The following ZNF26 variants were observed in gnomAD, a reference collection of about 807,000 sequenced individuals.
ZNF26 encodes epididymis luminal protein 179.
ZNF26 carries 32 observed loss-of-function variants against 54.9 expected under a neutral mutation model. The observed-to-expected ratio is 0.58, with a 90% CI of 0.44 to 0.78. The LOEUF (loss-of-function observed/expected upper bound fraction) is 0.78, where lower values mean the gene tolerates loss of function less well. ZNF26 is among the 30% of genes least tolerant of loss of function. The probability of loss-of-function intolerance (pLI) is 0.00; values close to 1 mark genes in which losing one functional copy is unlikely to be tolerated. For missense variants in ZNF26, 524 were observed against 634.0 expected, an observed-to-expected ratio of 0.83 and a Z score of 1.86; for synonymous variants, 221 against 209.2, an observed-to-expected ratio of 1.06 and a Z score of -0.49.
rs777788645 is a variant in ZNF26 at position 133,000,022 on chromosome 12, C to G, written c.34-7020C>G. 3.1e-3 allele frequency among the ~76,000 whole-genome samples: 464 copies of G among 152,126 alleles called. 4 individuals are homozygous for G. Among genetic ancestry groups the G allele is most frequent in the African/African-American group, 0.01 (433 of 41,508 alleles). ...AGTATTATGCCTTTACCTCATTTTTCTCATAAATCCTATGGCTTTTTATGC... is the reference window on the plus strand; with the variant it reads ...AGTATTATGCCTTTACCTCATTTTTGTCATAAATCCTATGGCTTTTTATGC... On this transcript the variant is annotated intron_variant, in intron 1 of 3. Transcript: ENST00000328654.
Position 133,010,365 on chromosome 12 carries a change from T to G in ZNF26, c.486T>G (p.Leu162=). 2 of 1,613,884 alleles carry G rather than the reference T, an allele frequency of 1.2e-6. No homozygotes were observed. The highest frequency in any genetic ancestry group is 1.1e-5 in the South Asian group (1 of 90,996). Residue 162 remains leucine (L), a synonymous_variant, in exon 4 of 4, where the codon CTT becomes CTG. Coordinates refer to ENST00000328654, the MANE Select transcript of ZNF26 (RefSeq NM_019591.4). ...KFHGYEEPYF[L]KHQRAHSIEK... ...ATGGTTATGAAGAACCATATTTTCT[T>G]AAGCATCAAAGAGCTCATAGCATAG... is the stretch of plus-strand genomic sequence containing the variant.
At chr12:133,006,050 A>G (rs1282137921) in intron 1 of ZNF26, 48 of 983,674 alleles carry the variant, frequency 4.9e-5, no homozygotes, top group Non-Finnish European at 5.4e-5. Context: ...TCTTTCTTTC[A>G]TAATAGATTT....
chr12:133,003,015 G>C (rs1953251795), intron 1 of ZNF26, among the ~76,000 whole-genome samples: 1 of 152,014 alleles, frequency 6.6e-6, no homozygotes, highest in African/African-American at 2.4e-5. Flanking sequence ...TAGGTGGGTG[G>C]GACCTGGGAG....
Position 133,011,602 on chromosome 12 carries a change from C to A in ZNF26, c.*121C>A. ...TGTCAAAAATCAGAGAGGAGAGAGA[C>A]CAACCATATTTGGGATGAGTGTAAA... On this transcript the variant is annotated 3_prime_UTR_variant, in exon 4 of 4. Transcript: ENST00000328654. 1 of 1,020,560 alleles carries A rather than the reference C, an allele frequency of 9.8e-7. No individual in the cohort carries two copies. The highest frequency in any genetic ancestry group is 1.4e-6 in the Non-Finnish European group (1 of 739,908). The allele number at this position is 1,020,560 out of a possible 1,614,324, so 63.2% of individuals were successfully genotyped here. A position where few individuals can be genotyped will look rare whatever the true frequency, so the allele number is the denominator to read the frequency against.
intron 1 of ZNF26, among the ~76,000 whole-genome samples, chr12:132,988,769 A>ATC (rs1248483414): frequency 5.3e-5 from 8 of 152,158 alleles, no homozygotes; most frequent in African/African-American, 1.9e-4. Flanking sequence ...AACATGTTAT[A>ATC]TCTCTCTATC....
chr12:132,999,833 T>C (rs1442122541), intron 1 of ZNF26, among the ~76,000 whole-genome samples: 1 of 151,484 alleles, frequency 6.6e-6, no homozygotes, highest in Non-Finnish European at 1.5e-5. Context: ...CCATGCCCGG[T>C]TAATTTTTTT....
Position 133,001,038 on chromosome 12 carries a change from C to T in ZNF26, c.34-6004C>T, listed in dbSNP as rs1204056818. On this transcript the variant is annotated intron_variant, in intron 1 of 3. Coordinates refer to ENST00000328654, the MANE Select transcript of ZNF26 (RefSeq NM_019591.4). The surrounding 1 kb of genome is among the most constrained non-coding windows in gnomAD (Gnocchi z 4.7). ...CTCCGTTTCGTCTTCTGCTGTCGAC[C>T]TCCAGCTTCTAATATGGTCACATCG... Among the ~76,000 whole-genome samples the T allele has an allele frequency of 6.6e-6, 1 of 152,126 alleles. No individual in the cohort carries two copies. Among genetic ancestry groups the T allele is most frequent in the African/African-American group, 2.4e-5 (1 of 41,418 alleles).
Position 133,012,583 on chromosome 12 carries a change from T to TTTTTTG in ZNF26, c.*1107_*1108insGTTTTT, listed in dbSNP as rs1953503367. The TTTTTTG allele has an allele frequency of 3.7e-5, 4 of 109,472 alleles. No homozygotes were observed. Among genetic ancestry groups the TTTTTTG allele is most frequent in the Admixed American group, 9.0e-5 (1 of 11,098 alleles). The allele number at this position is 109,472 out of a possible 1,614,324, so 6.8% of individuals were successfully genotyped here. ...TTTTGCTTTTTGTTGTTTGGGTTTTTTTTTTTTTTTTTTTTTTTTTTTTTT... is the reference window on the plus strand; with the variant it reads ...TTTTGCTTTTTGTTGTTTGGGTTTTTTTTTTGTTTTTTTTTTTTTTTTTTTTTTTTT... On this transcript the variant is annotated 3_prime_UTR_variant, in exon 4 of 4. Transcript: ENST00000328654.
At chr12:133,003,888 T>C (rs992938939) in intron 1 of ZNF26, among the ~76,000 whole-genome samples, 128 of 152,028 alleles carry the variant, frequency 8.4e-4, no homozygotes, top group African/African-American at 3.0e-3. Context: ...GTCATGCTAC[T>C]TGGGATGTAT....
chr12:133,018,220 T>C lies in ZNF26; in HGVS notation c.*6739T>C, dbSNP rs1953593530. 6.6e-6 allele frequency: 1 copy of C among 152,170 alleles called. No homozygotes were observed. The highest frequency in any genetic ancestry group is 1.5e-5 in the Non-Finnish European group (1 of 68,028). The allele number at this position is 152,170 out of a possible 1,614,324, so 9.4% of individuals were successfully genotyped here. A position where few individuals can be genotyped will look rare whatever the true frequency, so the allele number is the denominator to read the frequency against. On this transcript the variant is annotated 3_prime_UTR_variant, in exon 4 of 4. Transcript: ENST00000328654. ...GAAATAGGAAATAAATAGGCTACTG[T>C]AACAAAAGCTGTTAATATATACTTT...
chr12:132,993,550 G>A (rs1366553612), intron 1 of ZNF26, among the ~76,000 whole-genome samples: 45 of 151,556 alleles, frequency 3.0e-4, no homozygotes, highest in African/African-American at 1.0e-3. Flanking sequence ...CCGCCTGTTG[G>A]GTTCAAGTGA....
chr12:133,004,020 ATTTC>A (rs1165866921), intron 1 of ZNF26, among the ~76,000 whole-genome samples: 1 of 151,948 alleles, frequency 6.6e-6, no homozygotes, highest in Non-Finnish European at 1.5e-5. Context: ...ATCTTTCTTC[ATTTC>A]TTTATTTTCT....
chr12:132,987,263 G>A (rs1247862603), intron 1 of ZNF26, among the ~76,000 whole-genome samples: 1 of 152,200 alleles, frequency 6.6e-6, no homozygotes, highest in Non-Finnish European at 1.5e-5. Flanking sequence ...TTGTCTGCTG[G>A]ACTCTAAGGC....
At position 133,010,660 on chromosome 12, in the gene ZNF26, A is replaced by C. The variant is rs1953450466; in HGVS notation, c.781A>C (p.Ser261Arg). Residue 261 changes from serine to arginine, a missense_variant, in exon 4 of 4, where the codon AGT (serine) becomes CGT (arginine). Physicochemically the swap from Ser to Arg is moderately radical, Grantham distance 110 (BLOSUM62 -1). Transcript: ENST00000328654. ...IHTGGKPYGCSECGKAYSWKS... is the reference protein window; with the variant it reads ...IHTGGKPYGCRECGKAYSWKS... ...CACAGGAGGGAAACCCTATGGCTGC[A>C]GTGAATGTGGGAAAGCCTACAGTTG... 8 of 1,614,068 alleles carry C rather than the reference A, an allele frequency of 5.0e-6. No individual in the cohort carries two copies. Among genetic ancestry groups the C allele is most frequent in the Non-Finnish European group, 6.8e-6 (8 of 1,180,054 alleles).
intron 1 of ZNF26, among the ~76,000 whole-genome samples, chr12:132,992,512 C>T (rs992544160): frequency 3.9e-5 from 6 of 152,088 alleles, no homozygotes; most frequent in African/African-American, 1.4e-4. Flanking sequence ...TGGTGTCTGA[C>T]ATTACTTCAG....
chr12:133,002,255 A>G (rs1225494375), intron 1 of ZNF26, among the ~76,000 whole-genome samples: 1 of 152,088 alleles, frequency 6.6e-6, no homozygotes, highest in Non-Finnish European at 1.5e-5. Flanking sequence ...TCAGCGTGCC[A>G]TGCTGTCTCT....
In ZNF26 at chr12:133,023,555, C is replaced by T. The variant is rs1953668182; in HGVS notation, c.*12074C>T. The T allele has an allele frequency of 2.0e-5, 3 of 152,156 alleles. No homozygotes were observed. The highest frequency in any genetic ancestry group is 7.2e-5 in the African/African-American group (3 of 41,436). The allele number at this position is 152,156 out of a possible 1,614,324, so 9.4% of individuals were successfully genotyped here. ...TGAAATCCAGGTCTCTTTCGCCATA[C>T]ATTTGTATATGAGGTTGAACCATAG... On this transcript the variant is annotated 3_prime_UTR_variant, in exon 4 of 4. Coordinates refer to ENST00000328654, the MANE Select transcript of ZNF26 (RefSeq NM_019591.4).
At chr12:132,995,154 A>G (rs1250889958) in intron 1 of ZNF26, 1 of 152,218 alleles carries the variant, frequency 6.6e-6, no homozygotes, top group Non-Finnish European at 1.5e-5. Flanking sequence ...TTTGCTCTAT[A>G]TCCCTTTTTA....
chr12:133,026,096 A>G lies in ZNF26; in HGVS notation c.*14615A>G. 1 of 152,002 alleles carries G rather than the reference A, an allele frequency of 6.6e-6. No individual in the cohort carries two copies. Among genetic ancestry groups the G allele is most frequent in the East Asian group, 1.9e-4 (1 of 5,184 alleles). The allele number at this position is 152,002 out of a possible 1,614,324, so 9.4% of individuals were successfully genotyped here. A position where few individuals can be genotyped will look rare whatever the true frequency, so the allele number is the denominator to read the frequency against. On this transcript the variant is annotated 3_prime_UTR_variant, in exon 4 of 4. Coordinates refer to ENST00000328654, the MANE Select transcript of ZNF26 (RefSeq NM_019591.4). The stretch of plus-strand genomic sequence containing the variant: ...TTTCTGACCCAGGAAACTATTAGAT[A>G]TAATAAGTCACTTTTTTTTTTTTTT...
Sources: gnomAD v4.1 joint callset for allele counts (sites outside exome capture counted in the v4.1 genomes callset) on GRCh38, gnomAD v4.1.1 for gene constraint, Gnocchi (gnomAD v3.1) non-coding constraint, MANE v1.5 for transcripts, NCBI Gene and HGNC (gene_info 2026-07-23, HGNC 2026-07-21) for gene names.